The following HMGA2 variants were observed in gnomAD, a reference collection of about 807,000 sequenced individuals.
The protein encoded by HMGA2 is high mobility group AT-hook 2, also known as high mobility group protein HMGI-C.
HMGA2 carries 8 observed loss-of-function variants against 19.1 expected under a neutral mutation model. The ratio of observed to expected loss-of-function variants is 0.42; its 90% CI spans 0.25 to 0.76. The LOEUF (loss-of-function observed/expected upper bound fraction) is 0.76, where lower values mean the gene tolerates loss of function less well. Ranked by LOEUF, HMGA2 falls within the 30% of genes least tolerant of loss-of-function variation. The pLI, the probability that HMGA2 is intolerant of heterozygous loss-of-function variation, is 0.28. For missense variants in HMGA2, 109 were observed against 136.3 expected (o/e 0.80, Z 1.00); for synonymous variants, 60 against 48.8 (o/e 1.23, Z -0.96).
intron 3 of HMGA2, among the ~76,000 whole-genome samples, chr12:65,872,439 T>C (rs963379790): frequency 2.6e-5 from 4 of 152,242 alleles, no homozygotes; most frequent in Non-Finnish European, 5.9e-5. Flanking sequence ...ATTCCATGTG[T>C]TCATTCTGAG....
chr12:65,869,568 G>C (rs894280987), intron 3 of HMGA2, among the ~76,000 whole-genome samples: 1 of 152,170 alleles, frequency 6.6e-6, no homozygotes, highest in Admixed American at 6.5e-5. Flanking sequence ...AGAGATAGCA[G>C]CTCTCCTTAT....
At chr12:65,852,891 T>G (rs78257949) in intron 3 of HMGA2, among the ~76,000 whole-genome samples, 2 of 152,282 alleles carry the variant, frequency 1.3e-5, no homozygotes, top group East Asian at 3.9e-4. Flanking sequence ...TAGTAGACAT[T>G]GAAGAGGAGG....
chr12:65,912,579 T>C (rs1874892481), intron 3 of HMGA2, among the ~76,000 whole-genome samples: 1 of 152,206 alleles, frequency 6.6e-6, no homozygotes, highest in Non-Finnish European at 1.5e-5. Flanking sequence ...TGCTGAATTA[T>C]CAGTTTTATT....
At chr12:65,875,205 T>C (rs1446404679) in intron 3 of HMGA2, among the ~76,000 whole-genome samples, 2 of 152,232 alleles carry the variant, frequency 1.3e-5, no homozygotes, top group Non-Finnish European at 2.9e-5. Flanking sequence ...AGTGGCTCAG[T>C]ACCTGCTTGC....
At chr12:65,939,379 C>G (rs1222958812) in intron 3 of HMGA2, among the ~76,000 whole-genome samples, 1 of 151,348 alleles carries the variant, frequency 6.6e-6, no homozygotes, top group Non-Finnish European at 1.5e-5. Flanking sequence ...TTTTTGAGAC[C>G]GAGTCTCGCT....
intron 3 of HMGA2, among the ~76,000 whole-genome samples, chr12:65,868,679 T>C (rs1872559151): frequency 6.6e-6 from 1 of 152,212 alleles, no homozygotes; most frequent in Admixed American, 6.5e-5. Flanking sequence ...AAGGATGGTT[T>C]GTGGAATCAT....
intron 3 of HMGA2, among the ~76,000 whole-genome samples, chr12:65,903,265 G>A (rs1310405308): frequency 6.6e-6 from 1 of 152,062 alleles, no homozygotes; most frequent in Non-Finnish European, 1.5e-5. Context: ...TGAAACTTGT[G>A]TCACTTCACT....
At chr12:65,893,555 T>C (rs1874003294) in intron 3 of HMGA2, among the ~76,000 whole-genome samples, 3 of 152,186 alleles carry the variant, frequency 2.0e-5, no homozygotes, top group Non-Finnish European at 4.4e-5. Context: ...TTGTTAGAGA[T>C]TTTTCATCCT....
chr12:65,838,494 T>C (rs375728919), intron 2 of HMGA2, 25 bp from the exon 3 acceptor site: 6 of 1,597,184 alleles, frequency 3.8e-6, no homozygotes, highest in Non-Finnish European at 4.3e-6. Context: ...TAGAAAACTA[T>C]AATGACTTCC....
At chr12:65,893,997 GA>G (rs1337037710) in intron 3 of HMGA2, among the ~76,000 whole-genome samples, 1 of 152,160 alleles carries the variant, frequency 6.6e-6, no homozygotes, top group African/African-American at 2.4e-5. Flanking sequence ...ATGATACATA[GA>G]GGGGAGTAAA....
chr12:65,952,538 C>A (rs1297149118), intron 4 of HMGA2: 50 of 1,417,504 alleles, frequency 3.5e-5, no homozygotes, highest in Non-Finnish European at 4.4e-5. Context: ...TGAAAAAAAT[C>A]ATTTTCATTG....
chr12:65,890,822 C>A (rs1487639352), intron 3 of HMGA2, among the ~76,000 whole-genome samples: 1 of 151,750 alleles, frequency 6.6e-6, no homozygotes, highest in Non-Finnish European at 1.5e-5. Flanking sequence ...CCTCCCAGTA[C>A]AAGCGATTCT....
At chr12:65,881,551 A>G (rs1367468472) in intron 3 of HMGA2, 30 of 594,266 alleles carry the variant, frequency 5.0e-5, no homozygotes, top group Admixed American at 5.0e-4. Context: ...CCTGTGTGCT[A>G]CCAAGTAATG....
At chr12:65,918,987 T>C (rs1371735166) in intron 3 of HMGA2, among the ~76,000 whole-genome samples, 10 of 152,016 alleles carry the variant, frequency 6.6e-5, no homozygotes, top group African/African-American at 2.2e-4. Flanking sequence ...AGGGAAGGGG[T>C]ACGGTTCTGA....
At chr12:65,866,981 G>A (rs1292297525) in intron 3 of HMGA2, 1 of 456,366 alleles carries the variant, frequency 2.2e-6, no homozygotes, top group Non-Finnish European at 4.4e-6. Context: ...TTGAGAGATT[G>A]AAGGGGGAGA....
chr12:65,905,959 T>C (rs1874573269), intron 3 of HMGA2, among the ~76,000 whole-genome samples: 1 of 138,964 alleles, frequency 7.2e-6, no homozygotes, highest in South Asian at 2.5e-4. Flanking sequence ...CATGATATTG[T>C]TTCCCAAGTC....
At chr12:65,838,406 A>C (rs374555231) in intron 2 of HMGA2, 113 bp from the exon 3 acceptor site, 3 of 757,582 alleles carry the variant, frequency 4.0e-6, no homozygotes, top group South Asian at 3.5e-5. Flanking sequence ...AAAAAAAAAA[A>C]CCGATACGTC....
intron 3 of HMGA2, among the ~76,000 whole-genome samples, chr12:65,903,690 G>A (rs114530701): frequency 2.0e-3 from 301 of 152,212 alleles, no homozygotes; most frequent in African/African-American, 7.1e-3. Context: ...CACTGTATCC[G>A]TGGACCTACA....
chr12:65,909,690 T>C (rs772760701), intron 3 of HMGA2, among the ~76,000 whole-genome samples: 1 of 152,218 alleles, frequency 6.6e-6, no homozygotes, highest in Non-Finnish European at 1.5e-5. Flanking sequence ...CTGATGTCTT[T>C]GCCTCTTTTT....
Sources: allele counts gnomAD v4.1 joint callset (sites outside exome capture counted in the v4.1 genomes callset), GRCh38; gene constraint gnomAD v4.1.1; transcripts MANE v1.5; gene names NCBI Gene and HGNC (gene_info 2026-07-23, HGNC 2026-07-21).